Variants in PCSK5 observed in about 807,000 individuals in gnomAD.
PCSK5 encodes prohormone convertase 5.
A neutral mutation model predicts 233.2 loss-of-function variants in PCSK5; 129 were observed. That is an observed-to-expected ratio of 0.55 (90% CI 0.48 to 0.64). PCSK5 has a LOEUF of 0.64. PCSK5 is among the 30% of genes least tolerant of loss of function. The pLI, the probability that PCSK5 is intolerant of heterozygous loss-of-function variation, is 0.00. For synonymous variants in PCSK5, 825 were observed against 879.2 expected, an observed-to-expected ratio of 0.94 and a Z score of 1.09; for missense variants, 2,076 against 2,430.1, an observed-to-expected ratio of 0.85 and a Z score of 3.06.
At chr9:76,217,563 T>C (rs569609861) in intron 20 of PCSK5, among the ~76,000 whole-genome samples, 2 of 152,232 alleles carry the variant, frequency 1.3e-5, no homozygotes, top group African/African-American at 2.4e-5. Flanking sequence ...GTTACACATG[T>C]AGCCAAGACA....
At chr9:76,011,660 A>G (rs1202240199) in intron 3 of PCSK5, among the ~76,000 whole-genome samples, 1 of 152,166 alleles carries the variant, frequency 6.6e-6, no homozygotes. Flanking sequence ...TTTTGTCATA[A>G]GTAATTTTTT....
chr9:75,960,743 G>A (rs1040108238), intron 2 of PCSK5, among the ~76,000 whole-genome samples: 1 of 152,172 alleles, frequency 6.6e-6, no homozygotes, highest in Admixed American at 6.5e-5. Context: ...ACATTCGACA[G>A]CTGTTTCCCG....
At position 76,359,343 on chromosome 9, in the gene PCSK5, T is replaced by G. The variant is rs2131539150; in HGVS notation, c.*421T>G. ...GTATTCTAATTTTTCTTTATCTAAT[T>G]TTGGGGATAATGGAGGTACAAAGGA... On this transcript the variant is annotated 3_prime_UTR_variant, in exon 38 of 38. Coordinates refer to ENST00000674117, the MANE Select transcript of PCSK5 (RefSeq NM_001372043.1). The G allele has an allele frequency of 5.9e-6, 1 of 169,818 alleles. No homozygotes were observed. Among genetic ancestry groups the G allele is most frequent in the African/African-American group, 2.4e-5 (1 of 41,988 alleles). 10.5% of individuals were successfully genotyped at this position (169,818 alleles called of 1,614,324 possible).
chr9:76,311,686 G>T (rs1363771763), intron 30 of PCSK5, among the ~76,000 whole-genome samples: 1 of 152,166 alleles, frequency 6.6e-6, no homozygotes, highest in Non-Finnish European at 1.5e-5. Context: ...AAATGACTGA[G>T]ACATAACAGG....
chr9:76,225,599 C>T (rs1825864750), intron 20 of PCSK5, among the ~76,000 whole-genome samples: 1 of 152,072 alleles, frequency 6.6e-6, no homozygotes, highest in South Asian at 2.1e-4. Context: ...ATTGTGCCTC[C>T]TACAACAATA....
intron 10 of PCSK5, among the ~76,000 whole-genome samples, chr9:76,136,375 C>A (rs1289918691): frequency 6.6e-6 from 1 of 152,018 alleles, no homozygotes; most frequent in East Asian, 1.9e-4. Flanking sequence ...CAGAAAGATG[C>A]TATGACTTTT....
At chr9:76,187,671 T>C (rs1294140107) in intron 17 of PCSK5, among the ~76,000 whole-genome samples, 1 of 152,136 alleles carries the variant, frequency 6.6e-6, no homozygotes, top group Non-Finnish European at 1.5e-5. Flanking sequence ...CCAAATATAG[T>C]AAAAATTTTT....
chr9:76,168,627 C>T (rs1052720415), intron 12 of PCSK5, among the ~76,000 whole-genome samples: 17 of 152,102 alleles, frequency 1.1e-4, no homozygotes, highest in African/African-American at 4.1e-4. Context: ...CTTTGGAAAT[C>T]ACTGGAAGGA....
intron 5 of PCSK5, among the ~76,000 whole-genome samples, chr9:76,039,309 A>T (rs1238557703): frequency 2.0e-5 from 3 of 152,176 alleles, no homozygotes; most frequent in African/African-American, 7.2e-5. Context: ...GAACTTCTTT[A>T]TATCTGTGAT....
At chr9:76,272,051 A>T (rs1418170531) in intron 24 of PCSK5, among the ~76,000 whole-genome samples, 1 of 152,192 alleles carries the variant, frequency 6.6e-6, no homozygotes, top group African/African-American at 2.4e-5. Context: ...TACATAGAGT[A>T]TTTGAATATG....
At chr9:75,901,310 T>G (rs1347600449) in intron 1 of PCSK5, among the ~76,000 whole-genome samples, 1 of 152,190 alleles carries the variant, frequency 6.6e-6, no homozygotes, top group Non-Finnish European at 1.5e-5. Flanking sequence ...AATGAGTTCA[T>G]GTACTTTGCA....
chr9:75,984,303 C>A (rs577931458), intron 2 of PCSK5, among the ~76,000 whole-genome samples: 14 of 152,190 alleles, frequency 9.2e-5, no homozygotes, highest in African/African-American at 3.4e-4. Context: ...CCACTCCCAC[C>A]CCAGGATAGA....
At chr9:76,339,576 ACT>A (rs1462144445) in intron 35 of PCSK5, among the ~76,000 whole-genome samples, 1 of 151,896 alleles carries the variant, frequency 6.6e-6, no homozygotes, top group African/African-American at 2.4e-5. Context: ...ATGGAGTCTC[ACT>A]CTGTCGCCCA....
chr9:76,331,176 A>G (rs1172476865), intron 33 of PCSK5, among the ~76,000 whole-genome samples: 8 of 152,102 alleles, frequency 5.3e-5, no homozygotes, highest in African/African-American at 1.9e-4. Flanking sequence ...TAAATTAGAT[A>G]CTTTTTTTGG....
chr9:76,204,762 G>A (rs1193693746), intron 20 of PCSK5, among the ~76,000 whole-genome samples: 1 of 152,138 alleles, frequency 6.6e-6, no homozygotes, highest in South Asian at 2.1e-4. Flanking sequence ...GTTTTTTAAT[G>A]AACAAATGAA....
intron 1 of PCSK5, among the ~76,000 whole-genome samples, chr9:75,902,044 C>T (rs959264867): frequency 6.6e-6 from 1 of 151,602 alleles, no homozygotes; most frequent in Admixed American, 6.6e-5. Context: ...GGCAAAACCC[C>T]ATCTCTACTA....
upstream of PCSK5, chr9:75,890,617 G>C (rs1282330275): frequency 6.5e-6 from 1 of 152,894 alleles, no homozygotes; most frequent in Admixed American, 6.5e-5. Context: ...TGGGAAAGGA[G>C]GGGTGTTAAG....
intron 2 of PCSK5, among the ~76,000 whole-genome samples, chr9:75,948,098 C>G (rs1824660108): frequency 6.6e-6 from 1 of 152,070 alleles, no homozygotes; most frequent in Non-Finnish European, 1.5e-5. Context: ...CCTCCTGCCT[C>G]AGACTCCCAA....
intron 1 of PCSK5, among the ~76,000 whole-genome samples, chr9:75,902,663 G>C (rs1165076586): frequency 6.6e-6 from 1 of 152,226 alleles, no homozygotes; most frequent in Non-Finnish European, 1.5e-5. Context: ...TGAAGTATTT[G>C]AGGGGTTATC....
Sources: gnomAD v4.1 joint callset for allele counts (sites outside exome capture counted in the v4.1 genomes callset) on GRCh38, gnomAD v4.1.1 for gene constraint, MANE v1.5 for transcripts, NCBI Gene and HGNC (gene_info 2026-07-23, HGNC 2026-07-21) for gene names.